Variants in LIPA observed in about 807,000 individuals in gnomAD.
LIPA encodes lysosomal acid lipase/cholesteryl ester hydrolase.
Under a neutral mutation model 40.6 loss-of-function variants are expected in LIPA, and 26 were observed. The ratio of observed to expected loss-of-function variants is 0.64; its 90% CI spans 0.47 to 0.89. LIPA has a LOEUF of 0.89. Among genes scored for constraint, LIPA ranks in the 40% least tolerant of loss-of-function variants. The pLI is 0.00. For missense variants in LIPA, 455 were observed against 479.6 expected (o/e 0.95, Z 0.48); for synonymous variants, 188 against 168.4 (o/e 1.12, Z -0.90).
intron 1 of LIPA, chr10:89,308,008 C>T (rs1010838042): frequency 6.6e-6 from 1 of 152,660 alleles, no homozygotes; most frequent in Non-Finnish European, 1.5e-5. Context: ...CAGGAAGATA[C>T]ATAGCTAGAA....
intron 1 of LIPA, among the ~76,000 whole-genome samples, chr10:89,315,998 A>AT (rs997039081): frequency 1.1e-4 from 17 of 151,948 alleles, no homozygotes; most frequent in African/African-American, 3.4e-4. Flanking sequence ...TAAAACTACT[A>AT]TTTTTTTTAC....
At chr10:89,363,774 CAAAAAAA>C (rs760221407) in intron 2 of LIPA, among the ~76,000 whole-genome samples, 1 of 93,106 alleles carries the variant, frequency 1.1e-5, no homozygotes, top group African/African-American at 4.1e-5. Context: ...CAGACTCCAT[CAAAAAAA>C]AAAAAAAAAA....
At chr10:89,402,283 C>T (rs138953644) in intron 2 of LIPA, 1 of 1,601,380 alleles carries the variant, frequency 6.2e-7, no homozygotes, top group South Asian at 1.1e-5. Context: ...TTTTACAGTA[C>T]AAATGGTGAT....
chr10:89,411,718 AAGG>A (rs1727540845), intron 2 of LIPA, among the ~76,000 whole-genome samples: 1 of 152,236 alleles, frequency 6.6e-6, no homozygotes, highest in Admixed American at 6.5e-5. Flanking sequence ...ACTGCTGAGA[AAGG>A]AGGACTGTGC....
chr10:89,293,679 T>TGAGAGAGAGAGA (rs72229492), intron 1 of LIPA: 95 of 145,216 alleles, frequency 6.5e-4, no homozygotes, highest in African/African-American at 2.2e-3. Flanking sequence ...CTGTGTGAGA[T>TGAGAGAGAGAGA]GAGAGAGAGA....
chr10:89,355,093 CA>C (rs1483008083), intron 2 of LIPA, among the ~76,000 whole-genome samples: 1 of 152,144 alleles, frequency 6.6e-6, no homozygotes, highest in Non-Finnish European at 1.5e-5. Flanking sequence ...TAGGGTCCTA[CA>C]ATAGTGTTGT....
intron 3 of LIPA, among the ~76,000 whole-genome samples, chr10:89,239,147 T>G (rs1842938129): frequency 6.6e-6 from 1 of 152,178 alleles, no homozygotes; most frequent in African/African-American, 2.4e-5. Flanking sequence ...TCTGAGTTGC[T>G]GTAGTAGGCA....
In LIPA at chr10:89,214,603, G is replaced by C; in HGVS notation, c.*225C>G. The C allele has an allele frequency of 1.9e-6, 1 of 516,512 alleles. No individual in the cohort carries two copies. Among genetic ancestry groups the C allele is most frequent in the Non-Finnish European group, 3.5e-6 (1 of 288,468 alleles). The allele number at this position is 516,512 out of a possible 1,614,324, so 32.0% of individuals were successfully genotyped here. A position where few individuals can be genotyped will look rare whatever the true frequency, so the allele number is the denominator to read the frequency against. On this transcript the variant is annotated 3_prime_UTR_variant, in exon 10 of 10. Transcript: ENST00000336233. Reference sequence around the variant, plus strand: ...AAAAGACTTAAAGAGACAATACTATGGTTGAGACACTGGCTTCCTATTCCA... The same window carrying C: ...AAAAGACTTAAAGAGACAATACTATCGTTGAGACACTGGCTTCCTATTCCA...
intron 1 of LIPA, chr10:89,284,391 T>A (rs1025941841): frequency 1.3e-5 from 2 of 152,182 alleles, no homozygotes; most frequent in African/African-American, 4.8e-5. Flanking sequence ...CTGGTTCTTT[T>A]CTAAGGAGCC....
At chr10:89,254,076 G>A (rs1843168732), upstream of LIPA, among the ~76,000 whole-genome samples, 4 of 152,328 alleles carry the variant, frequency 2.6e-5, no homozygotes, top group South Asian at 6.2e-4. Flanking sequence ...CAAGCTATCG[G>A]TGGATCTACC....
At chr10:89,311,769 T>G (rs1326603888) in intron 1 of LIPA, among the ~76,000 whole-genome samples, 1 of 152,196 alleles carries the variant, frequency 6.6e-6, no homozygotes, top group Non-Finnish European at 1.5e-5. Context: ...AATTATTATT[T>G]CCACTAGCAA....
chr10:89,215,163 GACTA>G, intron 9 of LIPA, 102 bp from the exon 10 acceptor site: 1 of 852,710 alleles, frequency 1.2e-6, no homozygotes, highest in Non-Finnish European at 2.0e-6. Context: ...TAGTAAGTTT[GACTA>G]ACAGACTAAA....
At chr10:89,369,759 G>T (rs1422047720) in intron 2 of LIPA, among the ~76,000 whole-genome samples, 1 of 152,166 alleles carries the variant, frequency 6.6e-6, no homozygotes, top group East Asian at 1.9e-4. Context: ...TTAGATACTA[G>T]CACACAGATC....
intron 2 of LIPA, among the ~76,000 whole-genome samples, chr10:89,407,581 A>G (rs1445523100): frequency 2.0e-5 from 3 of 152,288 alleles, no homozygotes; most frequent in Admixed American, 2.0e-4. Flanking sequence ...TATCCTTCCT[A>G]TTCATATAAA....
At chr10:89,258,659 T>C (rs1374632999) in intron 1 of LIPA, among the ~76,000 whole-genome samples, 3 of 152,106 alleles carry the variant, frequency 2.0e-5, no homozygotes, top group African/African-American at 7.2e-5. Context: ...CTCAAAAAGG[T>C]AAACATAGAG....
At chr10:89,358,067 C>G (rs72814793) in intron 2 of LIPA, among the ~76,000 whole-genome samples, 3,129 of 152,258 alleles carry the variant, frequency 0.021, 45 homozygotes, top group Non-Finnish European at 0.037. Context: ...TTCTCAGATG[C>G]ATCTTCCACC....
At chr10:89,321,169 A>C (rs1295427867) in intron 1 of LIPA, among the ~76,000 whole-genome samples, 5 of 152,094 alleles carry the variant, frequency 3.3e-5, no homozygotes, top group Admixed American at 3.3e-4. Flanking sequence ...CAAGGACTTC[A>C]TGTCTAAAAC....
intron 2 of LIPA, among the ~76,000 whole-genome samples, chr10:89,382,308 T>A (rs1379065161): frequency 6.6e-6 from 1 of 152,168 alleles, no homozygotes; most frequent in Non-Finnish European, 1.5e-5. Flanking sequence ...TGTAAAGTAA[T>A]TAGTTTAGAA....
intron 2 of LIPA, chr10:89,385,025 C>G (rs1844200414): frequency 2.8e-6 from 1 of 351,118 alleles, no homozygotes; most frequent in South Asian, 4.8e-5. Flanking sequence ...AGTAACCGAT[C>G]AAATTGCTAT....
Sources: gnomAD v4.1 joint callset for allele counts (sites outside exome capture counted in the v4.1 genomes callset) on GRCh38, gnomAD v4.1.1 for gene constraint, MANE v1.5 for transcripts, NCBI Gene and HGNC (gene_info 2026-07-23, HGNC 2026-07-21) for gene names.